Variants in TMEM131 observed in about 807,000 individuals in gnomAD.
TMEM131 encodes 2610524E03Rik.
A neutral mutation model predicts 211.6 loss-of-function variants in TMEM131; 66 were observed. That is an observed-to-expected ratio of 0.31 (90% CI 0.26 to 0.38). The LOEUF (loss-of-function observed/expected upper bound fraction) is 0.38, where lower values mean the gene tolerates loss of function less well. TMEM131 is among the 10% of genes least tolerant of loss of function. The pLI, the probability that TMEM131 is intolerant of heterozygous loss-of-function variation, is 1.00. For synonymous variants in TMEM131, 844 were observed against 841.3 expected, an observed-to-expected ratio of 1.00 and a Z score of -0.06; for missense variants, 2,036 against 2,299.3, an observed-to-expected ratio of 0.89 and a Z score of 2.34.
intron 38 of TMEM131, 50 bp from the exon 39 acceptor site, chr2:97,759,799 G>T: frequency 7.3e-7 from 1 of 1,364,020 alleles, no homozygotes; most frequent in Non-Finnish European, 1.0e-6. Context: ...ATGGTGGTTA[G>T]TGCAAACGGA....
At chr2:97,832,468 T>C (rs1682747917) in intron 11 of TMEM131, among the ~76,000 whole-genome samples, 1 of 152,204 alleles carries the variant, frequency 6.6e-6, no homozygotes, top group Non-Finnish European at 1.5e-5. Flanking sequence ...CATCAGAATG[T>C]GGTTACCTGG....
chr2:97,940,515 G>A (rs1199134652), intron 1 of TMEM131, among the ~76,000 whole-genome samples: 2 of 152,170 alleles, frequency 1.3e-5, no homozygotes, highest in African/African-American at 2.4e-5. Flanking sequence ...TGAAATAAAA[G>A]AGGACACAAA....
chr2:97,870,912 G>C (rs1472882639), intron 4 of TMEM131, among the ~76,000 whole-genome samples: 1 of 152,196 alleles, frequency 6.6e-6, no homozygotes, highest in Non-Finnish European at 1.5e-5. Flanking sequence ...TGGGTAGGTA[G>C]GAATTGAAAA....
At chr2:97,797,096 T>C (rs1680803621) in intron 26 of TMEM131, 110 bp from the exon 27 acceptor site, 4 of 1,189,194 alleles carry the variant, frequency 3.4e-6, no homozygotes, top group Admixed American at 5.7e-5. Context: ...TTAAATTTAA[T>C]GGTGAGAATT....
chr2:97,929,132 C>T (rs1677110869), intron 1 of TMEM131, among the ~76,000 whole-genome samples: 2 of 151,388 alleles, frequency 1.3e-5, no homozygotes, highest in Admixed American at 6.6e-5. Flanking sequence ...GCAGGAAATA[C>T]ACGAGATGAG....
chr2:97,948,660 T>TA (rs1212246024), intron 1 of TMEM131, among the ~76,000 whole-genome samples: 1 of 151,768 alleles, frequency 6.6e-6, no homozygotes, highest in Non-Finnish European at 1.5e-5. Context: ...TTCTTTTTTT[T>TA]TTATTTATTT....
chr2:97,766,543 C>G lies in TMEM131; in HGVS notation c.4508G>C (p.Ser1503Thr), dbSNP rs772312678. The G allele has an allele frequency of 6.2e-7, 1 of 1,613,946 alleles. No individual in the cohort carries two copies. The highest frequency in any genetic ancestry group is 8.5e-7 in the Non-Finnish European group (1 of 1,179,870). ...LESKQRRNLP[S>T]KIPLPTAMTS... ...CATTGCAGTTGGAAGAGGAATCTTG[C>G]TTGGGAGATTTCTACGTTGCTTACT... The change falls in exon 34 of 41, where the codon AGC (serine) becomes ACC (threonine). Residue 1503 changes from serine (S) to threonine (T), a missense_variant. Coordinates refer to ENST00000186436, the MANE Select transcript of TMEM131 (RefSeq NM_015348.2).
rs1680489914 is a variant in TMEM131 at position 97,995,833 on chromosome 2, A to G, written c.-171T>C. ...GGGCCTGGGTCCGTGCGTGCGTGTG[A>G]GCGAGAGTGTCAGTCACGGTCTTTG... On this transcript the variant is annotated 5_prime_UTR_variant, in exon 1 of 41. Coordinates refer to ENST00000186436, the MANE Select transcript of TMEM131 (RefSeq NM_015348.2). 4 of 309,368 alleles carry G rather than the reference A, an allele frequency of 1.3e-5. No homozygotes were observed. The highest frequency in any genetic ancestry group is 4.4e-5 in the African/African-American group (2 of 45,052). 19.2% of individuals were successfully genotyped at this position (309,368 alleles called of 1,614,324 possible). A position where few individuals can be genotyped will look rare whatever the true frequency, so the allele number is the denominator to read the frequency against.
chr2:97,840,764 C>G (rs957332032), intron 7 of TMEM131, among the ~76,000 whole-genome samples: 2 of 152,196 alleles, frequency 1.3e-5, no homozygotes, highest in African/African-American at 4.8e-5. Flanking sequence ...GACATAAGAA[C>G]AGGTTCTTCT....
intron 1 of TMEM131, among the ~76,000 whole-genome samples, chr2:97,977,562 G>C (rs1679596761): frequency 1.3e-5 from 2 of 152,176 alleles, no homozygotes; most frequent in Admixed American, 6.5e-5. Flanking sequence ...TGATTTCCCA[G>C]TGCTTATAAA....
chr2:97,809,763 G>T lies in TMEM131; in HGVS notation c.1980C>A (p.Ile660=). The T allele has an allele frequency of 6.2e-7, 1 of 1,602,550 alleles. No homozygotes were observed. The highest frequency in any genetic ancestry group is 8.5e-7 in the Non-Finnish European group (1 of 1,174,192). ...CTACTGCAATCACAGCCTTCACAGG[G>T]ATTGTCAGGATCTGTGAAGTCAAGA... is the stretch of plus-strand genomic sequence containing the variant. The part of the protein sequence containing the change: ...QITTDYEILT[I]PVKAVIAVGS... The change falls in exon 19 of 41, where the codon ATC becomes ATA. Residue 660 remains isoleucine (I), a synonymous_variant. Transcript: ENST00000186436.
intron 1 of TMEM131, among the ~76,000 whole-genome samples, chr2:97,941,969 T>C (rs1300281372): frequency 1.3e-5 from 2 of 152,148 alleles, no homozygotes; most frequent in East Asian, 3.9e-4. Flanking sequence ...GCCATCCCAT[T>C]ACCGGGTATA....
At chr2:97,960,674 CCAACT>C (rs1678775336) in intron 1 of TMEM131, among the ~76,000 whole-genome samples, 1 of 151,952 alleles carries the variant, frequency 6.6e-6, no homozygotes, top group Non-Finnish European at 1.5e-5. Flanking sequence ...AAAATCCTTC[CCAACT>C]CATTTGATGA....
In TMEM131 at chr2:97,775,969, C is replaced by T; in HGVS notation, c.4194G>A (p.Glu1398=). 6.2e-7 allele frequency: 1 copy of T among 1,613,980 alleles called. No individual in the cohort carries two copies. Among genetic ancestry groups the T allele is most frequent in the South Asian group, 1.1e-5 (1 of 91,074 alleles). Residue 1398 remains glutamate (E), a synonymous_variant, in exon 32 of 41, where the codon GAG becomes GAA. Transcript: ENST00000186436. ...QRKVKPPKKQ[E]EKEKKGKGKP... ...TTCCCTTTCCCTTCTTCTCCTTTTC[C>T]TCTTGCTTCTTAGGTGGTTTCACCT...
chr2:97,883,933 A>G (rs1675035587), intron 4 of TMEM131, among the ~76,000 whole-genome samples: 1 of 152,068 alleles, frequency 6.6e-6, no homozygotes, highest in Non-Finnish European at 1.5e-5. Flanking sequence ...ATTCATTTTG[A>G]TTTTGATCTT....
rs972017250 is a variant in TMEM131, at chr2:97,876,794, G to A, written c.359+11258C>T. 1.4e-4 allele frequency among the ~76,000 whole-genome samples: 22 copies of A among 152,206 alleles called. 1 individual carries two copies. The highest frequency in any genetic ancestry group is 1.0e-3 in the Admixed American group (16 of 15,280). ...GCATTCCCTTTGAAAACTGGCACCA[G>A]ACAAGGATGCCCTGTCTCATCACCC... On this transcript the variant is annotated intron_variant, in intron 4 of 40. Transcript: ENST00000186436.
chr2:97,862,691 G>C (rs1674116504), intron 4 of TMEM131, among the ~76,000 whole-genome samples: 1 of 151,792 alleles, frequency 6.6e-6, no homozygotes, highest in African/African-American at 2.4e-5. Context: ...AGTCAGAGGA[G>C]AGAAAACAAA....
intron 1 of TMEM131, among the ~76,000 whole-genome samples, chr2:97,942,980 G>GA (rs1185711745): frequency 3.0e-5 from 1 of 33,564 alleles, no homozygotes; most frequent in Non-Finnish European, 6.3e-5. Context: ...AAGAAAGAAA[G>GA]AAAGAAAAGA....
rs965189251 is a variant in TMEM131, at chr2:97,775,949, T to G, written c.4214A>C (p.Lys1405Thr). ...KKQEEKEKKG[K>T]GKPQEDELKD... ...CAGCTCATCTTCCTGTGGCTTTCCC[T>G]TTCCCTTCTTCTCCTTTTCCTCTTG... is the stretch of plus-strand genomic sequence containing the variant. Residue 1405 changes from lysine to threonine, a missense_variant, in exon 32 of 41, where the codon AAG becomes ACG. Physicochemically the swap from Lys to Thr is moderately conservative, Grantham distance 78 (BLOSUM62 -1). Transcript: ENST00000186436. 2.5e-6 allele frequency: 4 copies of G among 1,614,016 alleles called. No homozygotes were observed. Among genetic ancestry groups the G allele is most frequent in the Non-Finnish European group, 3.4e-6 (4 of 1,179,878 alleles).
Sources: gnomAD v4.1 joint callset for allele counts (sites outside exome capture counted in the v4.1 genomes callset) on GRCh38, gnomAD v4.1.1 for gene constraint, MANE v1.5 for transcripts, NCBI Gene and HGNC (gene_info 2026-07-23, HGNC 2026-07-21) for gene names.